The following CWC25 variants were observed in gnomAD, a reference collection of about 807,000 sequenced individuals.
CWC25 encodes pre-mRNA-splicing factor CWC25 homolog.
In CWC25, 31 loss-of-function variants were observed where a neutral mutation model predicts 54.6. That is an observed-to-expected ratio of 0.57 (90% CI 0.43 to 0.77). The LOEUF is 0.77. Ranked by LOEUF, CWC25 falls within the 30% of genes least tolerant of loss-of-function variation. The pLI is 0.00. For synonymous variants in CWC25, 151 were observed against 187.0 expected (o/e 0.81, Z 1.57); for missense variants, 453 against 529.3 (o/e 0.86, Z 1.41).
Position 38,806,980 on chromosome 17 carries a change from C to T in CWC25, c.691-4G>A. 1.2e-6 allele frequency: 2 copies of T among 1,603,818 alleles called. No homozygotes were observed. The highest frequency in any genetic ancestry group is 1.1e-5 in the South Asian group (1 of 90,192). On this transcript the variant is annotated splice_polypyrimidine_tract_variant and splice_region_variant and intron_variant, in intron 6 of 9. Transcript: ENST00000614790. ...GGTTACGGTCAGAGTTCCGGACCTA[C>T]ATCATTAAGGAAAAGAGAAGTTATT...
intron 2 of CWC25, among the ~76,000 whole-genome samples, chr17:38,818,422 C>G (rs1329171944): frequency 6.6e-6 from 1 of 150,824 alleles, no homozygotes; most frequent in Non-Finnish European, 1.5e-5. Context: ...GAAACCCCGT[C>G]TCTACTAAAA....
At chr17:38,814,160 C>T (rs565549285) in intron 3 of CWC25, among the ~76,000 whole-genome samples, 68 of 152,072 alleles carry the variant, frequency 4.5e-4, no homozygotes, top group Non-Finnish European at 8.8e-4. Flanking sequence ...TGCTTCCAGC[C>T]GTGAGTTGTT....
intron 3 of CWC25, among the ~76,000 whole-genome samples, chr17:38,814,323 G>A (rs113768610): frequency 0.04 from 5,879 of 147,830 alleles, 149 homozygotes; most frequent in Middle Eastern, 0.058. Context: ...TCGCTCTGTC[G>A]CCCAGGCTGG....
At chr17:38,814,104 GC>G (rs964712278) in intron 3 of CWC25, among the ~76,000 whole-genome samples, 9 of 151,208 alleles carry the variant, frequency 6.0e-5, no homozygotes, top group East Asian at 2.0e-4. Flanking sequence ...CTCGTGATCC[GC>G]CCGCCTCGGC....
At chr17:38,813,002 T>C (rs981452663) in intron 3 of CWC25, 138 bp from the exon 4 acceptor site, 4 of 592,998 alleles carry the variant, frequency 6.7e-6, no homozygotes, top group Non-Finnish European at 1.2e-5. Context: ...GGTGTGCACC[T>C]GTAATCCCAG....
At chr17:38,804,849 G>C (rs1416808060) in intron 8 of CWC25, among the ~76,000 whole-genome samples, 3 of 149,252 alleles carry the variant, frequency 2.0e-5, no homozygotes, top group Non-Finnish European at 4.4e-5. Flanking sequence ...GCTCACGCCT[G>C]TAATCCCAGC....
chr17:38,806,746 C>T lies in CWC25; in HGVS notation c.902+19G>A. The T allele has an allele frequency of 1.3e-6, 2 of 1,542,104 alleles. No individual in the cohort carries two copies. Among genetic ancestry groups the T allele is most frequent in the Non-Finnish European group, 1.7e-6 (2 of 1,148,122 alleles). ...GCCCCCACAGTCACAGGTTATTTCC[C>T]AGTGAATCCCACACTCACAGTTTGC... On this transcript the variant is annotated intron_variant, in intron 7 of 9. Transcript: ENST00000614790.
rs375938320 is a variant in CWC25, at chr17:38,820,906, G to A, written c.186C>T (p.Ala62=). Residue 62 remains alanine (A), a synonymous_variant, in exon 2 of 10, where the codon GCC becomes GCT. Transcript: ENST00000614790. The part of the protein sequence containing the change: ...EMQRYAEDVG[A]VKKKEEKLDW... ...ACCCCCAGCTCCTCACTTACTTGAC[G>A]GCCCCAACATCCTCCGCATAGCGCT... 209 of 1,609,914 alleles carry A rather than the reference G, an allele frequency of 1.3e-4. No individual in the cohort carries two copies. Among genetic ancestry groups the A allele is most frequent in the Middle Eastern group, 9.9e-4 (6 of 6,038 alleles).
intron 2 of CWC25, among the ~76,000 whole-genome samples, chr17:38,820,492 C>CT (rs1491548683): frequency 1.3e-5 from 2 of 152,096 alleles, no homozygotes; most frequent in Non-Finnish European, 2.9e-5. Context: ...TCCCTGCCCC[C>CT]TGTCCCCGCC....
Position 38,825,273 on chromosome 17 carries a change from G to A in CWC25, c.-90C>T. ...AGAGAAATAGTTCGGGGGCTACCTC[G>A]CGGGATCTAGTCCCAGGAGCCGTCA... On this transcript the variant is annotated 5_prime_UTR_variant, in exon 1 of 10. Coordinates refer to ENST00000614790, the MANE Select transcript of CWC25 (RefSeq NM_017748.5). 2 of 1,392,506 alleles carry A rather than the reference G, an allele frequency of 1.4e-6. No homozygotes were observed. Among genetic ancestry groups the A allele is most frequent in the Non-Finnish European group, 2.0e-6 (2 of 1,022,206 alleles). The allele number at this position is 1,392,506 out of a possible 1,614,324, so 86.3% of individuals were successfully genotyped here. A position where few individuals can be genotyped will look rare whatever the true frequency, so the allele number is the denominator to read the frequency against.
rs36017153 is a variant in CWC25 at position 38,821,781 on chromosome 17, CTT to C, written c.19-710_19-709del. Among the ~76,000 whole-genome samples the C allele has an allele frequency of 3.2e-3, 463 of 144,054 alleles. 2 individuals are homozygous for C. Among genetic ancestry groups the C allele is most frequent in the Non-Finnish European group, 4.4e-3 (288 of 65,252 alleles). 94.5% of individuals were successfully genotyped at this position (144,054 alleles called of 152,430 possible). On this transcript the variant is annotated intron_variant, in intron 1 of 9. Transcript: ENST00000614790. Reference sequence around the variant, plus strand: ...GCACTTCTGACAGTGGACATTCATTCTTTTTTTTTTTTTTTTAAAGTCTTACT... The same window carrying C: ...GCACTTCTGACAGTGGACATTCATTCTTTTTTTTTTTTTTAAAGTCTTACT...
At chr17:38,823,978 A>G (rs1051616818) in intron 1 of CWC25, among the ~76,000 whole-genome samples, 5 of 152,190 alleles carry the variant, frequency 3.3e-5, no homozygotes, top group Non-Finnish European at 7.3e-5. Flanking sequence ...CAAGAGCGCT[A>G]ATGTTGAGAA....
Position 38,821,047 on chromosome 17 carries a change from C to G in CWC25, c.45G>C (p.Gln15His). Reference protein sequence around the residue: ...DLNLKKSWHPQTLRNVEKVWK... With the variant: ...DLNLKKSWHPHTLRNVEKVWK... ...ACACTTTCTCCACATTCCTGAGGGT[C>G]TGCGGGTGCCAGCTCTTCTTCAGAT... The change falls in exon 2 of 10, where the codon CAG becomes CAC. Residue 15 changes from glutamine (Q) to histidine (H), a missense_variant. Gln to His is a conservative substitution (Grantham distance 24). Transcript: ENST00000614790. 2 of 1,612,504 alleles carry G rather than the reference C, an allele frequency of 1.2e-6. No homozygotes were observed. Among genetic ancestry groups the G allele is most frequent in the South Asian group, 2.2e-5 (2 of 90,864 alleles).
At chr17:38,806,660 A>T (rs1911253435) in intron 7 of CWC25, 105 bp downstream of exon 7, 2 of 1,060,724 alleles carry the variant, frequency 1.9e-6, no homozygotes, top group Non-Finnish European at 2.7e-6. Flanking sequence ...AAGCAAAGAC[A>T]TTTGGGAAAG....
Position 38,820,090 on chromosome 17 carries a change from G to A in CWC25, c.191+811C>T, listed in dbSNP as rs1447426028. On this transcript the variant is annotated intron_variant, in intron 2 of 9. Coordinates refer to ENST00000614790, the MANE Select transcript of CWC25 (RefSeq NM_017748.5). ...AGTGCTGGGATTATAGGCATAAGCC[G>A]CCACACTCAGCCTATATATTTTTAA... is the stretch of plus-strand genomic sequence containing the variant. Among the ~76,000 whole-genome samples, 8 of 152,032 alleles carry A rather than the reference G, an allele frequency of 5.3e-5. No individual in the cohort carries two copies. The East Asian group carries it at 5.8e-4, about 11-fold the overall frequency.
At chr17:38,804,501 C>A (rs1173251421) in intron 8 of CWC25, among the ~76,000 whole-genome samples, 2 of 152,016 alleles carry the variant, frequency 1.3e-5, no homozygotes, top group African/African-American at 2.4e-5. Flanking sequence ...GAAACCCCAT[C>A]TATATTAAAA....
intron 7 of CWC25, 184 bp from the exon 8 acceptor site, chr17:38,806,579 C>T (rs1911250991): frequency 4.1e-6 from 3 of 723,492 alleles, no homozygotes; most frequent in African/African-American, 1.8e-5. Flanking sequence ...AATACACCTA[C>T]AGATATGTGG....
In CWC25 at chr17:38,810,522, T is replaced by G. The variant is rs768764359; in HGVS notation, c.572A>C (p.His191Pro). 2 of 1,606,010 alleles carry G rather than the reference T, an allele frequency of 1.2e-6. No homozygotes were observed. Among genetic ancestry groups the G allele is most frequent in the Non-Finnish European group, 1.7e-6 (2 of 1,176,254 alleles). Residue 191 changes from histidine (H) to proline (P), a missense_variant, in exon 5 of 10, where the codon CAC becomes CCC. Transcript: ENST00000614790. Reference sequence around the variant, plus strand: ...GGAACGATCACTACTCGAGCTTCTGTGCTTATGTTTCTTGTGCTTCTTTTT... The same window carrying G: ...GGAACGATCACTACTCGAGCTTCTGGGCTTATGTTTCTTGTGCTTCTTTTT... The part of the protein sequence containing the change: ...EKKKKHKKHK[H>P]RSSSSDRSSS...
At chr17:38,806,502 C>CT (rs1415294202) in intron 7 of CWC25, 107 bp from the exon 8 acceptor site, 1 of 1,032,276 alleles carries the variant, frequency 9.7e-7, no homozygotes, top group Non-Finnish European at 1.4e-6. Flanking sequence ...GAGGTATAAT[C>CT]TAAGTGTGAG....
Sources: allele counts gnomAD v4.1 joint callset (sites outside exome capture counted in the v4.1 genomes callset), GRCh38; gene constraint gnomAD v4.1.1; transcripts MANE v1.5; gene names NCBI Gene and HGNC (gene_info 2026-07-23, HGNC 2026-07-21).